QSOX2: variants seen among roughly 807,000 people sequenced by gnomAD.
QSOX2 encodes the protein quiescin sulfhydryl oxidase 2, also known as sulfhydryl oxidase 2.
A neutral mutation model predicts 61.7 loss-of-function variants in QSOX2; 46 were observed. The ratio of observed to expected loss-of-function variants is 0.75; its 90% CI spans 0.59 to 0.95. The LOEUF is 0.95. Among genes scored for constraint, QSOX2 ranks in the 40% least tolerant of loss-of-function variants. QSOX2 has a pLI of 0.00. For missense variants in QSOX2, 879 were observed against 918.9 expected, an observed-to-expected ratio of 0.96 and a Z score of 0.56; for synonymous variants, 383 against 388.4, an observed-to-expected ratio of 0.99 and a Z score of 0.16.
chr9:136,210,410 G>C, intron 11 of QSOX2: 1 of 985,466 alleles, frequency 1.0e-6, no homozygotes, highest in South Asian at 4.7e-5. Context: ...TAGCAGCAGG[G>C]GCTCCAGGTC....
Position 136,221,840 on chromosome 9 carries a change from C to T in QSOX2, c.777G>A (p.Ser259=), listed in dbSNP as rs771260221. ...ACCCATTTGGGTAGATCAGGTAACA[C>T]GAAGGGACTGAAGAAACACCAAGTT... ...LEKLGVSSVP[S]CYLIYPNGSH... The change falls in exon 6 of 12, where the codon TCG becomes TCA. Residue 259 remains serine (S), a synonymous_variant. Transcript: ENST00000358701. The surrounding 1 kb of genome is among the most constrained non-coding windows in gnomAD (Gnocchi z 4.5). 173 of 1,612,790 alleles carry T rather than the reference C, an allele frequency of 1.1e-4. 1 individual carries two copies. In the Admixed American group the frequency reaches 2.2e-3, roughly 20 times the overall value.
intron 1 of QSOX2, among the ~76,000 whole-genome samples, chr9:136,237,776 A>C (rs999038040): frequency 2.6e-5 from 4 of 152,212 alleles, no homozygotes; most frequent in Admixed American, 1.3e-4. Context: ...TGCCAGTGTC[A>C]CCTGGAGCCC....
In QSOX2 at chr9:136,222,324, G is replaced by A; in HGVS notation, c.676-383C>T. 6.6e-6 allele frequency among the ~76,000 whole-genome samples: 1 copy of A among 152,062 alleles called. No homozygotes were observed. The highest frequency in any genetic ancestry group is 1.5e-5 in the Non-Finnish European group (1 of 68,018). On this transcript the variant is annotated intron_variant, in intron 5 of 11. Transcript: ENST00000358701. This position sits in a 1 kb window ranked among gnomAD's most constrained non-coding sequence, Gnocchi z 6.9. Reference sequence around the variant, plus strand: ...CCCGCGTGTGGAAGCTTCGTGGCCGGGGCAGCAGGCCTCGTGCTGCCGCTC... The same window carrying A: ...CCCGCGTGTGGAAGCTTCGTGGCCGAGGCAGCAGGCCTCGTGCTGCCGCTC...
intron 1 of QSOX2, among the ~76,000 whole-genome samples, chr9:136,235,159 T>C (rs933838804): frequency 5.9e-5 from 9 of 152,180 alleles, no homozygotes; most frequent in Non-Finnish European, 1.2e-4. Context: ...AGTTGCTCCA[T>C]CTGTAAAATG....
rs530313273 is a variant in QSOX2 at position 136,223,224 on chromosome 9, C to T, written c.675+539G>A. Among the ~76,000 whole-genome samples, 18 of 152,232 alleles carry T rather than the reference C, an allele frequency of 1.2e-4. No individual in the cohort carries two copies. The South Asian group carries it at 2.1e-3, about 18-fold the overall frequency. ...TGCAGTGAGGCCTTTCTCTCGTCTCCGGGAAGACTGTCAGCAATAATGACT... is the reference window on the plus strand; with the variant it reads ...TGCAGTGAGGCCTTTCTCTCGTCTCTGGGAAGACTGTCAGCAATAATGACT... On this transcript the variant is annotated intron_variant, in intron 5 of 11. Coordinates refer to ENST00000358701, the MANE Select transcript of QSOX2 (RefSeq NM_181701.4). The surrounding 1 kb of genome is among the most constrained non-coding windows in gnomAD (Gnocchi z 4.4).
intron 1 of QSOX2, among the ~76,000 whole-genome samples, chr9:136,230,862 C>T (rs767891475): frequency 5.2e-4 from 79 of 152,306 alleles, no homozygotes; most frequent in Non-Finnish European, 9.7e-4. Flanking sequence ...GCCTGACCTC[C>T]GTCCCACCAC....
intron 10 of QSOX2, among the ~76,000 whole-genome samples, chr9:136,214,763 C>T (rs986558452): frequency 2.0e-5 from 3 of 152,210 alleles, no homozygotes; most frequent in Admixed American, 2.0e-4. Context: ...GTGGTTCTGG[C>T]TGCTAAATTT....
intron 10 of QSOX2, among the ~76,000 whole-genome samples, chr9:136,213,844 C>A (rs564665929): frequency 2.6e-5 from 4 of 152,280 alleles, no homozygotes; most frequent in African/African-American, 9.6e-5. Flanking sequence ...TTCCAAGGTC[C>A]CCTGGACTGA....
intron 11 of QSOX2, chr9:136,210,060 A>T: frequency 3.0e-6 from 3 of 985,448 alleles, no homozygotes; most frequent in Non-Finnish European, 3.6e-6. Flanking sequence ...TGAAATCAAG[A>T]GATGCCCTAC....
At position 136,218,304 on chromosome 9, in the gene QSOX2, C is replaced by T. The variant is rs531720001; in HGVS notation, c.1086+375G>A. ...CCCACCTGGATCTGCACAGCCCTTG[C>T]CTCTCCCTCTCTCTCTCCCCCCAGC... On this transcript the variant is annotated intron_variant, in intron 8 of 11. Transcript: ENST00000358701. Among the ~76,000 whole-genome samples the T allele has an allele frequency of 1.7e-3, 253 of 152,316 alleles. 1 individual carries two copies. The highest frequency in any genetic ancestry group is 6.0e-3 in the African/African-American group (251 of 41,578).
chr9:136,224,218 C>G (rs537267530), intron 3 of QSOX2, 106 bp from the exon 4 acceptor site: 63 of 827,334 alleles, frequency 7.6e-5, no homozygotes, highest in Non-Finnish European at 1.2e-4. Context: ...CCAAAGACAG[C>G]AGGGTGCAGG....
Position 136,209,144 on chromosome 9 carries a change from G to C in QSOX2, c.1681C>G (p.His561Asp). 1 of 1,614,212 alleles carries C rather than the reference G, an allele frequency of 6.2e-7. No homozygotes were observed. The highest frequency in any genetic ancestry group is 8.5e-7 in the Non-Finnish European group (1 of 1,180,042). Residue 561 changes from histidine to aspartate, a missense_variant, in exon 12 of 12, where the codon CAC (histidine) becomes GAC (aspartate). By Grantham distance (81) the His-to-Asp change is moderately conservative (BLOSUM62 -1). Coordinates refer to ENST00000358701, the MANE Select transcript of QSOX2 (RefSeq NM_181701.4). This position sits in a 1 kb window ranked among gnomAD's most constrained non-coding sequence, Gnocchi z 5.6. ...EGHVLTFLKQ[H>D]YGRDNLLDTY... is the part of the protein sequence containing the mutation. ...TCTAAGAGGTTGTCGCGGCCATAGT[G>C]CTGCTTCAAGAATGTGAGCACGTGG...
In QSOX2 at chr9:136,208,556, T is replaced by G; in HGVS notation, c.*172A>C. The G allele has an allele frequency of 1.4e-6, 1 of 697,358 alleles. No individual in the cohort carries two copies. The highest frequency in any genetic ancestry group is 2.3e-6 in the Non-Finnish European group (1 of 441,984). 43.2% of individuals were successfully genotyped at this position (697,358 alleles called of 1,614,324 possible). On this transcript the variant is annotated 3_prime_UTR_variant, in exon 12 of 12. Coordinates refer to ENST00000358701, the MANE Select transcript of QSOX2 (RefSeq NM_181701.4). Reference sequence around the variant, plus strand: ...ACAAAATTACCCCGTGTTCTTCCCTTGTTAGAAGAGCGTTTGTAAAACCAG... The same window carrying G: ...ACAAAATTACCCCGTGTTCTTCCCTGGTTAGAAGAGCGTTTGTAAAACCAG...
Position 136,227,351 on chromosome 9 carries a change from G to A in QSOX2, c.329-477C>T, listed in dbSNP as rs144759962. On this transcript the variant is annotated intron_variant, in intron 1 of 11. Transcript: ENST00000358701. ...GCAGGGTCTTTCAAGGCAAGGATGC[G>A]TGCACAGACACATGTGAAGTGGTTT... Among the ~76,000 whole-genome samples, 454 of 152,270 alleles carry A rather than the reference G, an allele frequency of 3.0e-3. 1 individual carries two copies. Among genetic ancestry groups the A allele is most frequent in the African/African-American group, 9.8e-3 (408 of 41,538 alleles).
At chr9:136,234,435 C>T (rs1015932627) in intron 1 of QSOX2, among the ~76,000 whole-genome samples, 2 of 152,176 alleles carry the variant, frequency 1.3e-5, no homozygotes, top group African/African-American at 4.8e-5. Context: ...TCTAACTGAG[C>T]CCCTGGAGGG....
intron 9 of QSOX2, 133 bp from the exon 10 acceptor site, chr9:136,215,437 T>C (rs1366161763): frequency 4.7e-6 from 4 of 845,936 alleles, no homozygotes; most frequent in Admixed American, 5.4e-5. Context: ...GTATCAACTG[T>C]ACACATAAGA....
intron 1 of QSOX2, among the ~76,000 whole-genome samples, chr9:136,231,044 G>T (rs893737273): frequency 2.0e-5 from 3 of 152,220 alleles, no homozygotes; most frequent in African/African-American, 7.2e-5. Flanking sequence ...GACCGGCCTT[G>T]TTTCCATGGG....
At chr9:136,238,715 G>C (rs1830411353) in intron 1 of QSOX2, among the ~76,000 whole-genome samples, 1 of 152,216 alleles carries the variant, frequency 6.6e-6, no homozygotes, top group East Asian at 1.9e-4. Flanking sequence ...GTTTTACCTA[G>C]AAACCAGGTT....
chr9:136,230,273 A>G (rs1028216593), intron 1 of QSOX2, among the ~76,000 whole-genome samples: 4 of 152,210 alleles, frequency 2.6e-5, no homozygotes, highest in Non-Finnish European at 5.9e-5. Flanking sequence ...GCGAGACTCT[A>G]TCTCAAAAAA....
Sources: allele counts gnomAD v4.1 joint callset (sites outside exome capture counted in the v4.1 genomes callset), GRCh38; gene constraint gnomAD v4.1.1; non-coding constraint Gnocchi (gnomAD v3.1); transcripts MANE v1.5; gene names NCBI Gene and HGNC (gene_info 2026-07-23, HGNC 2026-07-21).